The following PPFIA2 variants were observed in gnomAD, a reference collection of about 807,000 sequenced individuals.
PPFIA2 encodes PPFI scaffold protein A2.
A neutral mutation model predicts 175.5 loss-of-function variants in PPFIA2; 46 were observed. The ratio of observed to expected loss-of-function variants is 0.26; its 90% CI spans 0.21 to 0.34. The LOEUF (loss-of-function observed/expected upper bound fraction) is 0.34. PPFIA2 is among the 10% of genes least tolerant of loss of function. The pLI is 1.00. For missense variants in PPFIA2, 1,179 were observed against 1,506.1 expected (o/e 0.78, Z 3.60); for synonymous variants, 568 against 511.4 (o/e 1.11, Z -1.49).
At chr12:81,701,444 T>A (rs1033491718) in intron 3 of PPFIA2, among the ~76,000 whole-genome samples, 4 of 152,124 alleles carry the variant, frequency 2.6e-5, no homozygotes, top group Non-Finnish European at 5.9e-5. Context: ...ATAATTTTGA[T>A]CCCTGAGACA....
chr12:81,599,092 AC>A (rs2059542652), intron 4 of PPFIA2, among the ~76,000 whole-genome samples: 1 of 151,990 alleles, frequency 6.6e-6, no homozygotes, highest in South Asian at 2.1e-4. Flanking sequence ...TTCAATTTGT[AC>A]AAAAGATCAT....
chr12:81,398,808 A>G (rs2041625042), intron 8 of PPFIA2, among the ~76,000 whole-genome samples: 1 of 152,114 alleles, frequency 6.6e-6, no homozygotes, highest in Admixed American at 6.6e-5. Context: ...GTGGGTAAAG[A>G]GCGTCTCTGG....
At chr12:81,389,999 G>A (rs530499655) in intron 8 of PPFIA2, among the ~76,000 whole-genome samples, 18 of 152,072 alleles carry the variant, frequency 1.2e-4, no homozygotes, top group South Asian at 4.1e-4. Context: ...ATACAGATTC[G>A]CAGTTCTGGA....
intron 5 of PPFIA2, among the ~76,000 whole-genome samples, chr12:81,450,626 A>C (rs1277969732): frequency 1.3e-5 from 2 of 152,134 alleles, no homozygotes; most frequent in African/African-American, 4.8e-5. Context: ...TTTGCTGTGC[A>C]GAAGCTCTTT....
chr12:81,738,012 T>C (rs771033662), intron 3 of PPFIA2, among the ~76,000 whole-genome samples: 8 of 151,616 alleles, frequency 5.3e-5, no homozygotes, highest in Non-Finnish European at 1.0e-4. Flanking sequence ...TTAATCTCTA[T>C]GGACACTAAG....
chr12:81,705,092 A>AG (rs1289278419), intron 3 of PPFIA2, among the ~76,000 whole-genome samples: 1 of 147,486 alleles, frequency 6.8e-6, no homozygotes, highest in Non-Finnish European at 1.5e-5. Flanking sequence ...CTAAAAAAAA[A>AG]AAAAAAAAAA....
At chr12:81,729,505 A>G (rs149276970) in intron 3 of PPFIA2, among the ~76,000 whole-genome samples, 110 of 151,638 alleles carry the variant, frequency 7.3e-4, no homozygotes, top group Non-Finnish European at 1.4e-3. Flanking sequence ...ATACTTTATT[A>G]TTGGAGATAT....
chr12:81,504,607 A>C (rs1424638461), intron 4 of PPFIA2, among the ~76,000 whole-genome samples: 64 of 152,226 alleles, frequency 4.2e-4, no homozygotes, highest in Non-Finnish European at 8.2e-4. Flanking sequence ...GGATCTAGAA[A>C]TAAAAATACC....
chr12:81,582,112 GATT>G (rs748689618), intron 4 of PPFIA2, among the ~76,000 whole-genome samples: 2 of 151,760 alleles, frequency 1.3e-5, no homozygotes, highest in Non-Finnish European at 2.9e-5. Context: ...CATTTTTAAT[GATT>G]ATTTTACTCC....
chr12:81,690,955 T>C (rs2075169308), intron 3 of PPFIA2, among the ~76,000 whole-genome samples: 2 of 152,142 alleles, frequency 1.3e-5, no homozygotes, highest in South Asian at 4.1e-4. Context: ...CTCCTTCTTA[T>C]AAGGACTCTT....
chr12:81,548,872 C>T (rs760489529), intron 4 of PPFIA2, among the ~76,000 whole-genome samples: 1 of 151,972 alleles, frequency 6.6e-6, no homozygotes, highest in Non-Finnish European at 1.5e-5. Context: ...TCTTTTTGCC[C>T]ATTTGGAATA....
At chr12:81,419,048 T>C (rs529975785) in intron 7 of PPFIA2, among the ~76,000 whole-genome samples, 30 of 152,146 alleles carry the variant, frequency 2.0e-4, no homozygotes, top group African/African-American at 7.2e-4. Flanking sequence ...AATTTATCAG[T>C]ATATAAAAAT....
intron 4 of PPFIA2, among the ~76,000 whole-genome samples, chr12:81,615,093 TTAAG>T (rs1555526982): frequency 6.6e-6 from 1 of 152,226 alleles, no homozygotes; most frequent in Non-Finnish European, 1.5e-5. Context: ...GGCTATCTGA[TTAAG>T]TCTTTAATTT....
chr12:81,396,345 T>C (rs1205037509), intron 8 of PPFIA2, among the ~76,000 whole-genome samples: 2 of 152,072 alleles, frequency 1.3e-5, no homozygotes, highest in Admixed American at 1.3e-4. Context: ...AAGTAAAGCA[T>C]ATAAACACAT....
At chr12:81,338,064 C>T (rs2057404892) in intron 21 of PPFIA2, among the ~76,000 whole-genome samples, 2 of 152,182 alleles carry the variant, frequency 1.3e-5, no homozygotes, top group Admixed American at 6.6e-5. Context: ...GGGTTTCACA[C>T]TATGGAAGCC....
Position 81,365,813 on chromosome 12 carries a change from C to A in PPFIA2, c.1545+1295G>T, listed in dbSNP as rs942828552. 3.3e-5 allele frequency among the ~76,000 whole-genome samples: 5 copies of A among 151,680 alleles called. No homozygotes were observed. In the Admixed American group the frequency reaches 3.3e-4, roughly 10 times the overall value. On this transcript the variant is annotated intron_variant, in intron 14 of 32. Transcript: ENST00000549396. ...GCCCCACATTACATTGTTCTAAAGA[C>A]CTATCTTTCAGGAGATTGTGGACAC...
chr12:81,281,129 T>A, intron 27 of PPFIA2, 128 bp downstream of exon 27: 2 of 756,996 alleles, frequency 2.6e-6, no homozygotes, highest in South Asian at 2.6e-5. Context: ...AGTAGATGTA[T>A]ACAAACGATG....
chr12:81,418,310 T>C (rs1029890540), intron 7 of PPFIA2, among the ~76,000 whole-genome samples: 1 of 151,916 alleles, frequency 6.6e-6, no homozygotes, highest in Non-Finnish European at 1.5e-5. Flanking sequence ...TTTTTTTATT[T>C]ACCACTTTTC....
chr12:81,560,070 T>G (rs1004586761), intron 4 of PPFIA2, among the ~76,000 whole-genome samples: 4 of 152,190 alleles, frequency 2.6e-5, no homozygotes, highest in African/African-American at 4.8e-5. Flanking sequence ...GAGGTTTGAA[T>G]TGACGTATAC....
Sources: allele counts gnomAD v4.1 joint callset (sites outside exome capture counted in the v4.1 genomes callset), GRCh38; gene constraint gnomAD v4.1.1; transcripts MANE v1.5; gene names NCBI Gene and HGNC (gene_info 2026-07-23, HGNC 2026-07-21).